MAP2K6: variants seen among roughly 807,000 people sequenced by gnomAD.
MAP2K6 encodes the protein mitogen-activated protein kinase kinase 6.
MAP2K6 carries 16 observed loss-of-function variants against 53.7 expected under a neutral mutation model. The observed-to-expected ratio is 0.30, with a 90% CI of 0.20 to 0.45. MAP2K6 has a LOEUF of 0.45. MAP2K6 is among the 20% of genes least tolerant of loss of function. The pLI is 1.00. For synonymous variants in MAP2K6, 132 were observed against 143.1 expected, an observed-to-expected ratio of 0.92 and a Z score of 0.55; for missense variants, 204 against 411.9, an observed-to-expected ratio of 0.50 and a Z score of 4.37.
At chr17:69,457,205 A>G (rs1414476994) in intron 1 of MAP2K6, among the ~76,000 whole-genome samples, 1 of 152,206 alleles carries the variant, frequency 6.6e-6, no homozygotes, top group Non-Finnish European at 1.5e-5. Flanking sequence ...AGATCAAAGC[A>G]TGGCCCCTGC....
At chr17:69,470,234 A>AGT (rs1907943301) in intron 1 of MAP2K6, among the ~76,000 whole-genome samples, 1 of 152,196 alleles carries the variant, frequency 6.6e-6, no homozygotes, top group Admixed American at 6.5e-5. Flanking sequence ...GAAACAATGT[A>AGT]GTGTGTAGAC....
intron 1 of MAP2K6, among the ~76,000 whole-genome samples, chr17:69,497,880 A>C (rs746186530): frequency 2.6e-5 from 4 of 152,320 alleles, no homozygotes; most frequent in Admixed American, 6.5e-5. Context: ...CAGTATAACA[A>C]ACCCTCAGGT....
intron 10 of MAP2K6, 194 bp from the exon 11 acceptor site, chr17:69,535,921 C>A (rs2144860930): frequency 4.1e-6 from 2 of 488,310 alleles, no homozygotes; most frequent in East Asian, 3.8e-5. Flanking sequence ...ACTATTTTTC[C>A]CATTAAGGCA....
chr17:69,456,435 T>C (rs1183228260), intron 1 of MAP2K6, among the ~76,000 whole-genome samples: 2 of 152,202 alleles, frequency 1.3e-5, no homozygotes, highest in Non-Finnish European at 2.9e-5. Flanking sequence ...AGGAAATCAT[T>C]GATTCTAGAG....
intron 1 of MAP2K6, among the ~76,000 whole-genome samples, chr17:69,473,399 C>CAAGCA (rs1340062277): frequency 2.0e-5 from 3 of 152,094 alleles, no homozygotes; most frequent in African/African-American, 7.2e-5. Context: ...TATATCTATG[C>CAAGCA]AAGCATATAT....
chr17:69,468,307 T>C (rs1444012556), intron 1 of MAP2K6, among the ~76,000 whole-genome samples: 1 of 152,216 alleles, frequency 6.6e-6, no homozygotes, highest in Non-Finnish European at 1.5e-5. Context: ...TTAGTTTTCC[T>C]GACTCCAGTT....
At chr17:69,523,807 C>T (rs1910618161) in intron 8 of MAP2K6, among the ~76,000 whole-genome samples, 166 bp downstream of exon 8, 1 of 152,196 alleles carries the variant, frequency 6.6e-6, no homozygotes, top group Non-Finnish European at 1.5e-5. Context: ...AATCTTTACT[C>T]ACTTGCTTCG....
At chr17:69,484,837 G>T (rs770223813) in intron 1 of MAP2K6, among the ~76,000 whole-genome samples, 12 of 152,050 alleles carry the variant, frequency 7.9e-5, no homozygotes, top group African/African-American at 2.9e-4. Context: ...TGCACATATT[G>T]TATAATTTCA....
At chr17:69,508,068 T>TTTTTTGGAAGGG (rs1909617573) in intron 2 of MAP2K6, among the ~76,000 whole-genome samples, 1 of 90,442 alleles carries the variant, frequency 1.1e-5, no homozygotes, top group African/African-American at 4.9e-5. Flanking sequence ...TTTTTTTTTT[T>TTTTTTGGAAGGG]GAGACGGAGT....
At chr17:69,502,167 T>A in intron 1 of MAP2K6, 3 of 985,482 alleles carry the variant, frequency 3.0e-6, no homozygotes, top group Non-Finnish European at 3.6e-6. Context: ...TAGACCCACT[T>A]CCCTTCTCCC....
chr17:69,431,933 A>G (rs1474207126), intron 1 of MAP2K6, among the ~76,000 whole-genome samples: 5 of 152,154 alleles, frequency 3.3e-5, no homozygotes, highest in African/African-American at 9.7e-5. Context: ...GGATAATGTG[A>G]TGAGGAGTGG....
At chr17:69,434,315 G>T (rs117442028) in intron 1 of MAP2K6, 1 of 152,128 alleles carries the variant, frequency 6.6e-6, no homozygotes, top group Non-Finnish European at 1.5e-5. Context: ...CTGATTATAC[G>T]GTTTTCATTC....
intron 1 of MAP2K6, among the ~76,000 whole-genome samples, chr17:69,441,833 G>C (rs1446853342): frequency 6.6e-6 from 1 of 152,096 alleles, no homozygotes; most frequent in African/African-American, 2.4e-5. Flanking sequence ...ATTCTCCACG[G>C]GGCCTCTGTT....
intron 10 of MAP2K6, among the ~76,000 whole-genome samples, chr17:69,527,960 A>G (rs559851737): frequency 6.6e-6 from 1 of 152,034 alleles, no homozygotes; most frequent in South Asian, 2.1e-4. Flanking sequence ...TACTAAAAAT[A>G]CAAAAAATTA....
intron 2 of MAP2K6, among the ~76,000 whole-genome samples, chr17:69,512,007 A>G (rs891549432): frequency 2.6e-5 from 4 of 152,308 alleles, no homozygotes; most frequent in African/African-American, 9.6e-5. Flanking sequence ...ACTCAGGAAT[A>G]ACAGTGATGT....
chr17:69,553,170 A>G lies in MAP2K6; in HGVS notation c.*11417A>G, dbSNP rs1381854457. The G allele has an allele frequency of 6.6e-6, 1 of 152,242 alleles. No homozygotes were observed. The highest frequency in any genetic ancestry group is 1.5e-5 in the Non-Finnish European group (1 of 68,044). 9.4% of individuals were successfully genotyped at this position (152,242 alleles called of 1,614,324 possible). On this transcript the variant is annotated 3_prime_UTR_variant, in exon 12 of 12. Transcript: ENST00000590474. ...TCTATCAGTCAGTAGACAAGGAAGTATAATAATTGCCAAAGGTGAGGGTAA... is the reference window on the plus strand; with the variant it reads ...TCTATCAGTCAGTAGACAAGGAAGTGTAATAATTGCCAAAGGTGAGGGTAA...
Sources: gnomAD v4.1 joint callset for allele counts (sites outside exome capture counted in the v4.1 genomes callset) on GRCh38, gnomAD v4.1.1 for gene constraint, MANE v1.5 for transcripts, NCBI Gene and HGNC (gene_info 2026-07-23, HGNC 2026-07-21) for gene names.